The following PLBD1 variants were observed in gnomAD, a reference collection of about 807,000 sequenced individuals.
PLBD1 encodes the protein phospholipase B domain containing 1, also known as lysosomal leucine aminopeptidase.
Under a neutral mutation model 63.0 loss-of-function variants are expected in PLBD1, and 60 were observed. The observed-to-expected ratio is 0.95, with a 90% CI of 0.77 to 1.18. PLBD1 has a LOEUF of 1.18. PLBD1 is among the 50% of genes most tolerant of loss of function. PLBD1 has a pLI of 0.00. For synonymous variants in PLBD1, 262 were observed against 248.0 expected, an observed-to-expected ratio of 1.06 and a Z score of -0.53; for missense variants, 598 against 677.9, an observed-to-expected ratio of 0.88 and a Z score of 1.31.
At chr12:14,547,034 C>A (rs944373945) in intron 2 of PLBD1, among the ~76,000 whole-genome samples, 2 of 152,194 alleles carry the variant, frequency 1.3e-5, no homozygotes, top group Admixed American at 1.3e-4. Context: ...GCGTGTGCCA[C>A]CACACCTGGC....
At chr12:14,532,182 A>C (rs899205972) in intron 6 of PLBD1, among the ~76,000 whole-genome samples, 8 of 152,100 alleles carry the variant, frequency 5.3e-5, no homozygotes, top group African/African-American at 1.9e-4. Context: ...CACCAGAAAA[A>C]TCCATCTGGC....
rs149143769 is a variant in PLBD1, at chr12:14,545,629, T to C, written c.336-3338A>G. Among the ~76,000 whole-genome samples the C allele has an allele frequency of 3.6e-3, 554 of 152,346 alleles. 1 individual carries two copies. Among genetic ancestry groups the C allele is most frequent in the Middle Eastern group, 0.02 (6 of 294 alleles). On this transcript the variant is annotated intron_variant, in intron 2 of 10. Coordinates refer to ENST00000240617, the MANE Select transcript of PLBD1 (RefSeq NM_024829.6). ...GGGAGTTCAGAATTGGAGGCCATTC[T>C]GGATTCCAAGAATGGGAATTTGGCT...
intron 4 of PLBD1, among the ~76,000 whole-genome samples, chr12:14,537,088 CAA>C (rs371859037): frequency 7.3e-4 from 39 of 53,396 alleles, no homozygotes; most frequent in Admixed American, 1.2e-3. Context: ...GACCGCATCT[CAA>C]AAAAAAAAAA....
chr12:14,542,327 TTTC>T (rs1300364234), intron 2 of PLBD1, 36 bp from the exon 3 acceptor site: 3 of 1,491,094 alleles, frequency 2.0e-6, no homozygotes, highest in Non-Finnish European at 1.9e-6. Context: ...CATTTATATT[TTTC>T]TTCTTGGATT....
chr12:14,524,359 A>G (rs1211301817), intron 6 of PLBD1, among the ~76,000 whole-genome samples: 6 of 152,222 alleles, frequency 3.9e-5, no homozygotes, highest in African/African-American at 1.2e-4. Context: ...TATTCTAAAT[A>G]CCATGATTTG....
At position 14,511,169 on chromosome 12, in the gene PLBD1, C is replaced by G. The variant is rs548006259; in HGVS notation, c.1186+91G>C. 6.5e-6 allele frequency: 8 copies of G among 1,223,794 alleles called. 1 individual carries two copies. In the African/African-American group the frequency reaches 7.7e-5, roughly 12 times the overall value. The allele number at this position is 1,223,794 out of a possible 1,614,324, so 75.8% of individuals were successfully genotyped here. ...CTGTCTTCCCCACCATACCCTCCCC[C>G]ACCACACATTCACACAATGTGCATT... On this transcript the variant is annotated intron_variant, in intron 8 of 10. Transcript: ENST00000240617.
chr12:14,506,248 T>C lies in PLBD1; in HGVS notation c.1393A>G (p.Ser465Gly), dbSNP rs376671162. Residue 465 changes from serine (S) to glycine (G), a missense_variant, in exon 10 of 11, where the codon AGT becomes GGT. By Grantham distance (56) the Ser-to-Gly change is moderately conservative (BLOSUM62 0). Transcript: ENST00000240617. ...ATGGTATTACAGGGGTCACCTCTAC[T>C]GTAAGGATCCTTCTTATAATCTAGG... is the stretch of plus-strand genomic sequence containing the variant. ...RYNNYKKDPY[S>G]RGDPCNTICC... 3 of 1,610,838 alleles carry C rather than the reference T, an allele frequency of 1.9e-6. No homozygotes were observed. The highest frequency in any genetic ancestry group is 2.5e-6 in the Non-Finnish European group (3 of 1,177,860).
At chr12:14,528,023 AGAGTATCAAAATGC>A (rs564842735) in intron 6 of PLBD1, among the ~76,000 whole-genome samples, 62 of 152,272 alleles carry the variant, frequency 4.1e-4, no homozygotes, top group African/African-American at 1.4e-3. Context: ...GCTAAATGAT[AGAGTATCAAAATGC>A]ATAAAGCAAA....
At chr12:14,513,434 A>G (rs1945314341) in intron 6 of PLBD1, among the ~76,000 whole-genome samples, 2 of 152,200 alleles carry the variant, frequency 1.3e-5, no homozygotes, top group African/African-American at 2.4e-5. Flanking sequence ...TGTGCAAAAA[A>G]TGTTTGTCCA....
intron 8 of PLBD1, among the ~76,000 whole-genome samples, chr12:14,507,930 GA>G (rs1565570169): frequency 6.6e-6 from 1 of 152,150 alleles, no homozygotes. Flanking sequence ...AACAGTCAAG[GA>G]ATGTCTCCAC....
intron 6 of PLBD1, among the ~76,000 whole-genome samples, chr12:14,519,472 A>T (rs1307208314): frequency 6.6e-6 from 1 of 152,060 alleles, no homozygotes; most frequent in African/African-American, 2.4e-5. Flanking sequence ...ACAAAAAATT[A>T]GCCGGGTGTG....
chr12:14,536,758 C>A, intron 4 of PLBD1, 48 bp from the exon 5 acceptor site: 2 of 1,599,988 alleles, frequency 1.3e-6, no homozygotes, highest in Non-Finnish European at 1.7e-6. Context: ...TGACAGACAT[C>A]ATTTCCTGTT....
In PLBD1 at chr12:14,523,683, C is replaced by T. The variant is rs1230389903; in HGVS notation, c.845-11972G>A. On this transcript the variant is annotated intron_variant, in intron 6 of 10. Coordinates refer to ENST00000240617, the MANE Select transcript of PLBD1 (RefSeq NM_024829.6). Reference sequence around the variant, plus strand: ...ATACAGAAATAAATTCACACACTTACAGCTAATTGATTTTTGACAAAGACA... The same window carrying T: ...ATACAGAAATAAATTCACACACTTATAGCTAATTGATTTTTGACAAAGACA... Among the ~76,000 whole-genome samples the T allele has an allele frequency of 2.0e-5, 3 of 152,108 alleles. No individual in the cohort carries two copies. In the East Asian group the frequency reaches 5.8e-4, roughly 29 times the overall value.
chr12:14,540,359 A>G (rs1489348218), intron 4 of PLBD1, among the ~76,000 whole-genome samples: 2 of 151,814 alleles, frequency 1.3e-5, no homozygotes, highest in African/African-American at 4.8e-5. Context: ...TAGAATGTAT[A>G]TGTGTTTGTG....
chr12:14,516,432 TATGG>T (rs1945337488), intron 6 of PLBD1, among the ~76,000 whole-genome samples: 1 of 152,188 alleles, frequency 6.6e-6, no homozygotes. Flanking sequence ...CAGGATGGAC[TATGG>T]ATTCAGTATG....
chr12:14,560,897 GA>G (rs772438550), intron 1 of PLBD1, among the ~76,000 whole-genome samples: 22 of 152,088 alleles, frequency 1.4e-4, no homozygotes, highest in Non-Finnish European at 2.5e-4. Context: ...ACTAGCCTCG[GA>G]AATCTTCATC....
In PLBD1 at chr12:14,535,668, T is replaced by C. The variant is rs1371556458; in HGVS notation, c.835A>G (p.Ser279Gly). The C allele has an allele frequency of 1.2e-6, 2 of 1,614,020 alleles. No homozygotes were observed. Among genetic ancestry groups the C allele is most frequent in the Non-Finnish European group, 8.5e-7 (1 of 1,179,936 alleles). The stretch of plus-strand genomic sequence containing the variant: ...CTTTAAATTCATTTACCTGGGTAAC[T>C]GCTGAAAGAGAGGCGACTACTGCTG... ...DTSSSRLSFS[S>G]YPGFLESLDD... is the part of the protein sequence containing the mutation. Residue 279 changes from serine to glycine, a missense_variant, in exon 6 of 11, where the codon AGT becomes GGT. Physicochemically the swap from Ser to Gly is moderately conservative, Grantham distance 56. Transcript: ENST00000240617.
chr12:14,508,181 G>A (rs1057455294), intron 8 of PLBD1, among the ~76,000 whole-genome samples: 1 of 152,192 alleles, frequency 6.6e-6, no homozygotes, highest in Non-Finnish European at 1.5e-5. Flanking sequence ...AGGTTATATA[G>A]GCTCAGGAAT....
intron 2 of PLBD1, among the ~76,000 whole-genome samples, chr12:14,546,260 G>A (rs1464535689): frequency 1.3e-5 from 2 of 151,322 alleles, no homozygotes; most frequent in Non-Finnish European, 2.9e-5. Context: ...TGAGGTTGTA[G>A]TGAGCAGAGA....
Sources: gnomAD v4.1 joint callset for allele counts (sites outside exome capture counted in the v4.1 genomes callset) on GRCh38, gnomAD v4.1.1 for gene constraint, MANE v1.5 for transcripts, NCBI Gene and HGNC (gene_info 2026-07-23, HGNC 2026-07-21) for gene names.